PRUNE2: variants seen among roughly 807,000 people sequenced by gnomAD.
PRUNE2 encodes protein prune homolog 2.
A neutral mutation model predicts 252.0 loss-of-function variants in PRUNE2; 164 were observed. That is an observed-to-expected ratio of 0.65 (90% CI 0.57 to 0.74). The LOEUF (loss-of-function observed/expected upper bound fraction) is 0.74, where lower values mean the gene tolerates loss of function less well. Among genes scored for constraint, PRUNE2 ranks in the 30% least tolerant of loss-of-function variants. The probability of loss-of-function intolerance (pLI) is 0.00; values close to 1 mark genes in which losing one functional copy is unlikely to be tolerated. For synonymous variants in PRUNE2, 1,292 were observed against 1,350.2 expected (o/e 0.96, Z 0.94); for missense variants, 3,495 against 3,711.0 (o/e 0.94, Z 1.51).
At chr9:76,778,551 T>C (rs373259228) in intron 6 of PRUNE2, 1 of 152,192 alleles carries the variant, frequency 6.6e-6, no homozygotes, top group East Asian at 1.9e-4. Flanking sequence ...GGACTTGGAA[T>C]TGCATGGAGC....
chr9:76,711,110 C>T lies in PRUNE2; in HGVS notation c.1164G>A (p.Leu388=). ...LSQGSSGIME[L]YGSDIEPQPS... Reference sequence around the variant, plus strand: ...GTTGTGGCTCTATGTCAGAACCATACAATTCCATAATCCCAGAAGACCCCT... The same window carrying T: ...GTTGTGGCTCTATGTCAGAACCATATAATTCCATAATCCCAGAAGACCCCT... Residue 388 remains leucine (L), a synonymous_variant, in exon 8 of 19, where the codon TTG becomes TTA. Coordinates refer to ENST00000376718, the MANE Select transcript of PRUNE2 (RefSeq NM_015225.3). The T allele has an allele frequency of 1.2e-6, 2 of 1,613,946 alleles. No individual in the cohort carries two copies. The highest frequency in any genetic ancestry group is 2.2e-5 in the East Asian group (1 of 44,870).
chr9:76,765,116 C>A (rs561080235), intron 6 of PRUNE2, among the ~76,000 whole-genome samples: 2 of 152,144 alleles, frequency 1.3e-5, no homozygotes, highest in South Asian at 4.2e-4. Flanking sequence ...TTGTTGGGGG[C>A]GTGACATTAA....
In PRUNE2 at chr9:76,846,619, T is replaced by A. The variant is rs757932703; in HGVS notation, c.404A>T (p.Asp135Val). 2 of 1,614,126 alleles carry A rather than the reference T, an allele frequency of 1.2e-6. No homozygotes were observed. Among genetic ancestry groups the A allele is most frequent in the Admixed American group, 1.7e-5 (1 of 60,020 alleles). Residue 135 changes from aspartate (D) to valine (V), a missense_variant, in exon 4 of 19, where the codon GAT becomes GTT. Transcript: ENST00000376718. ...VKVINPVEQSDANVEFRESSS... is the reference protein window; with the variant it reads ...VKVINPVEQSVANVEFRESSS... ...AGACTCTCGGAACTCAACGTTGGCATCGCTCTGCTCAACCGGATTAATGAC... is the reference window on the plus strand; with the variant it reads ...AGACTCTCGGAACTCAACGTTGGCAACGCTCTGCTCAACCGGATTAATGAC...
chr9:76,826,299 C>T (rs1045709225), intron 5 of PRUNE2, among the ~76,000 whole-genome samples: 1 of 152,148 alleles, frequency 6.6e-6, no homozygotes, highest in African/African-American at 2.4e-5. Context: ...CATGGTCAAG[C>T]CCTGCCTCTA....
In PRUNE2 at chr9:76,706,826, T is replaced by G. The variant is rs779406406; in HGVS notation, c.5448A>C (p.Gln1816His). ...CAGCTGAGAAGCCCAGCATTTCCAG[T>G]TGAGAATTATCTTCGTTCTTTGGGA... ...ASFPKNEDNS[Q>H]LEMLGFSADS... The change falls in exon 8 of 19, where the codon CAA becomes CAC. Residue 1816 changes from glutamine to histidine, a missense_variant. By Grantham distance (24) the Gln-to-His change is conservative. Coordinates refer to ENST00000376718, the MANE Select transcript of PRUNE2 (RefSeq NM_015225.3). The G allele has an allele frequency of 6.3e-7, 1 of 1,598,678 alleles. No individual in the cohort carries two copies. The highest frequency in any genetic ancestry group is 1.1e-5 in the South Asian group (1 of 88,420).
chr9:76,798,048 C>G (rs966937705), intron 6 of PRUNE2, among the ~76,000 whole-genome samples: 1 of 152,200 alleles, frequency 6.6e-6, no homozygotes, highest in Non-Finnish European at 1.5e-5. Flanking sequence ...TTTCTCCCCT[C>G]TCCCATGATT....
chr9:76,809,833 C>T (rs757012638), intron 6 of PRUNE2, among the ~76,000 whole-genome samples: 13 of 152,314 alleles, frequency 8.5e-5, no homozygotes, highest in African/African-American at 2.2e-4. Flanking sequence ...CAAATGACCA[C>T]GTTAATGGGT....
At chr9:76,663,402 G>A (rs1189751104) in intron 9 of PRUNE2, among the ~76,000 whole-genome samples, 5 of 152,292 alleles carry the variant, frequency 3.3e-5, no homozygotes, top group Admixed American at 1.3e-4. Flanking sequence ...CCGAGCACTC[G>A]CCCAGACACC....
chr9:76,825,315 C>A (rs2058282285), intron 5 of PRUNE2, among the ~76,000 whole-genome samples: 2 of 152,214 alleles, frequency 1.3e-5, no homozygotes, highest in Admixed American at 6.5e-5. Flanking sequence ...GAACATTTAA[C>A]CATCAGCTCC....
In PRUNE2 at chr9:76,709,988, T is replaced by C; in HGVS notation, c.2286A>G (p.Ile762Met). 1 of 1,613,758 alleles carries C rather than the reference T, an allele frequency of 6.2e-7. No individual in the cohort carries two copies. The highest frequency in any genetic ancestry group is 8.5e-7 in the Non-Finnish European group (1 of 1,179,798). ...NTSPQGTNHLIEDFASLWHSG... is the reference protein window; with the variant it reads ...NTSPQGTNHLMEDFASLWHSG... The stretch of plus-strand genomic sequence containing the variant: ...AATGCCACAAAGAAGCAAAGTCTTC[T>C]ATCAGGTGGTTTGTTCCTTGGGGAG... The change falls in exon 8 of 19, where the codon ATA (isoleucine) becomes ATG (methionine). Residue 762 changes from isoleucine to methionine, a missense_variant. Transcript: ENST00000376718.
chr9:76,644,097 T>G (rs969535863), intron 12 of PRUNE2, among the ~76,000 whole-genome samples: 2 of 152,140 alleles, frequency 1.3e-5, no homozygotes, highest in Non-Finnish European at 2.9e-5. Flanking sequence ...ACTCCCAAAT[T>G]AATCAAGGCC....
At chr9:76,639,807 C>T (rs1045430732) in intron 12 of PRUNE2, among the ~76,000 whole-genome samples, 2 of 152,128 alleles carry the variant, frequency 1.3e-5, no homozygotes, top group Non-Finnish European at 2.9e-5. Flanking sequence ...GTGGGAAATG[C>T]GGAAAGTGTG....
chr9:76,796,873 G>A (rs1295357409), intron 6 of PRUNE2, among the ~76,000 whole-genome samples: 1 of 152,158 alleles, frequency 6.6e-6, no homozygotes, highest in African/African-American at 2.4e-5. Flanking sequence ...AGTCTTTTCT[G>A]GCCTTAGGAT....
chr9:76,627,255 C>T (rs1835241142), intron 16 of PRUNE2, among the ~76,000 whole-genome samples: 1 of 139,298 alleles, frequency 7.2e-6, no homozygotes, highest in South Asian at 2.3e-4. Context: ...TGCATGCTAC[C>T]ACACCCGGCT....
At chr9:76,782,087 A>G (rs1283560857) in intron 6 of PRUNE2, among the ~76,000 whole-genome samples, 2 of 152,098 alleles carry the variant, frequency 1.3e-5, no homozygotes, top group Middle Eastern at 3.2e-3. Flanking sequence ...GGTGGTGGGC[A>G]CCTGTAGTCC....
intron 6 of PRUNE2, chr9:76,738,609 G>A (rs763103186): frequency 1.3e-5 from 2 of 152,154 alleles, no homozygotes; most frequent in African/African-American, 2.4e-5. Flanking sequence ...ACAAACTAGA[G>A]GCTCAAATTA....
chr9:76,849,463 TAC>T (rs1052258994), intron 3 of PRUNE2, among the ~76,000 whole-genome samples: 1 of 135,884 alleles, frequency 7.4e-6, no homozygotes, highest in Non-Finnish European at 1.5e-5. Context: ...CAATTTTTAA[TAC>T]ACATGTTTGG....
chr9:76,779,788 G>A (rs2054175368), intron 6 of PRUNE2: 1 of 152,182 alleles, frequency 6.6e-6, no homozygotes, highest in African/African-American at 2.4e-5. Flanking sequence ...TAATTGCCAA[G>A]CCATGGTTCC....
chr9:76,855,628 T>C (rs976156594), intron 1 of PRUNE2, among the ~76,000 whole-genome samples: 3 of 152,194 alleles, frequency 2.0e-5, no homozygotes, highest in South Asian at 2.1e-4. Flanking sequence ...TCTATCATTA[T>C]AGACAATGAA....
Sources: allele counts gnomAD v4.1 joint callset (sites outside exome capture counted in the v4.1 genomes callset), GRCh38; gene constraint gnomAD v4.1.1; transcripts MANE v1.5; gene names NCBI Gene and HGNC (gene_info 2026-07-23, HGNC 2026-07-21).